The following DGKI variants were observed in gnomAD, a reference collection of about 807,000 sequenced individuals.
The protein encoded by DGKI is DAG kinase iota.
In DGKI, 55 loss-of-function variants were observed where a neutral mutation model predicts 147.5. The observed-to-expected ratio is 0.37, with a 90% confidence interval of 0.30 to 0.47. The LOEUF is 0.47. Ranked by LOEUF, DGKI falls within the 20% of genes least tolerant of loss-of-function variation. The probability of loss-of-function intolerance (pLI) is 1.00; values close to 1 mark genes in which losing one functional copy is unlikely to be tolerated. For synonymous variants in DGKI, 469 were observed against 477.1 expected, an observed-to-expected ratio of 0.98 and a Z score of 0.22; for missense variants, 1,007 against 1,323.8, an observed-to-expected ratio of 0.76 and a Z score of 3.71.
intron 7 of DGKI, 116 bp from the exon 8 acceptor site, chr7:137,620,056 C>G (rs1487785087): frequency 2.7e-6 from 2 of 728,606 alleles, no homozygotes; most frequent in African/African-American, 1.8e-5. Flanking sequence ...CACACACACT[C>G]ATTACATGCA....
intron 1 of DGKI, among the ~76,000 whole-genome samples, chr7:137,742,767 G>A (rs1278620988): frequency 2.0e-5 from 3 of 152,194 alleles, no homozygotes; most frequent in Non-Finnish European, 4.4e-5. Context: ...TTGTGTGAGT[G>A]GGTTAACAGG....
chr7:137,507,328 A>G (rs1306400040), intron 21 of DGKI, among the ~76,000 whole-genome samples: 1 of 152,190 alleles, frequency 6.6e-6, no homozygotes, highest in African/African-American at 2.4e-5. Context: ...AAAGTAAATT[A>G]TGTAGTTTTC....
intron 1 of DGKI, chr7:137,722,145 A>G: frequency 6.3e-7 from 1 of 1,599,330 alleles, no homozygotes; most frequent in South Asian, 1.1e-5. Flanking sequence ...TTGTCAGAGG[A>G]ATTGGCAGGT....
intron 8 of DGKI, among the ~76,000 whole-genome samples, chr7:137,617,336 G>A (rs977638806): frequency 6.6e-6 from 1 of 151,902 alleles, no homozygotes; most frequent in African/African-American, 2.4e-5. Flanking sequence ...AGGGGGTATT[G>A]TTCTATACTA....
intron 21 of DGKI, among the ~76,000 whole-genome samples, chr7:137,505,783 T>A (rs1434164679): frequency 7.0e-6 from 1 of 143,042 alleles, no homozygotes; most frequent in African/African-American, 2.6e-5. Context: ...AGAGAGCCAA[T>A]TAAAAAACTG....
chr7:137,620,302 G>T (rs1173981449), intron 7 of DGKI, among the ~76,000 whole-genome samples: 1 of 152,102 alleles, frequency 6.6e-6, no homozygotes. Flanking sequence ...GTCTTGGAGG[G>T]TTCTATTAAT....
intron 1 of DGKI, among the ~76,000 whole-genome samples, chr7:137,840,767 A>G (rs1798522051): frequency 6.6e-6 from 1 of 152,252 alleles, no homozygotes; most frequent in Non-Finnish European, 1.5e-5. Flanking sequence ...AAGAATGAAT[A>G]ACAGTAGTAA....
At chr7:137,694,626 T>G (rs914235892) in intron 1 of DGKI, among the ~76,000 whole-genome samples, 1 of 152,228 alleles carries the variant, frequency 6.6e-6, no homozygotes, top group Non-Finnish European at 1.5e-5. Flanking sequence ...CATCCTGTTG[T>G]TCTAGAAAAG....
chr7:137,670,141 T>C (rs1396155382), intron 3 of DGKI, among the ~76,000 whole-genome samples: 1 of 152,234 alleles, frequency 6.6e-6, no homozygotes. Flanking sequence ...TAATGCCGTA[T>C]ATTGTTTTCT....
intron 1 of DGKI, among the ~76,000 whole-genome samples, chr7:137,762,864 G>A (rs1296289621): frequency 6.6e-6 from 1 of 152,162 alleles, no homozygotes; most frequent in Non-Finnish European, 1.5e-5. Flanking sequence ...GCCTGTTCCA[G>A]ACAAATAGGG....
chr7:137,433,795 T>A (rs1031582815), intron 28 of DGKI, among the ~76,000 whole-genome samples: 1 of 152,230 alleles, frequency 6.6e-6, no homozygotes, highest in African/African-American at 2.4e-5. Context: ...TCACCTTGTC[T>A]GATGGCCCCT....
intron 3 of DGKI, among the ~76,000 whole-genome samples, chr7:137,668,572 A>G (rs1161298210): frequency 6.6e-6 from 1 of 152,246 alleles, no homozygotes; most frequent in Non-Finnish European, 1.5e-5. Flanking sequence ...CAGTTCAATC[A>G]CTTATCCTCA....
chr7:137,767,500 G>A (rs1459932465), intron 1 of DGKI, among the ~76,000 whole-genome samples: 1 of 146,882 alleles, frequency 6.8e-6, no homozygotes, highest in Non-Finnish European at 1.5e-5. Context: ...GAGAAGAGAA[G>A]AGAAGAGAAG....
intron 23 of DGKI, among the ~76,000 whole-genome samples, chr7:137,472,130 C>A (rs567528143): frequency 9.2e-6 from 1 of 109,086 alleles, no homozygotes; most frequent in African/African-American, 4.0e-5. Context: ...AATATATATA[C>A]ACATATATAT....
intron 6 of DGKI, among the ~76,000 whole-genome samples, chr7:137,628,137 A>G (rs1821006866): frequency 6.6e-6 from 1 of 152,246 alleles, no homozygotes; most frequent in Admixed American, 6.5e-5. Flanking sequence ...GCTCTACTCA[A>G]TGATATAGGG....
intron 1 of DGKI, among the ~76,000 whole-genome samples, chr7:137,806,152 T>C (rs1300262077): frequency 2.0e-5 from 3 of 152,218 alleles, no homozygotes; most frequent in African/African-American, 7.2e-5. Context: ...ACCTGATGGC[T>C]TTAGAAGGCA....
chr7:137,635,694 C>T (rs1375717373), intron 6 of DGKI, among the ~76,000 whole-genome samples: 1 of 152,202 alleles, frequency 6.6e-6, no homozygotes, highest in Non-Finnish European at 1.5e-5. Context: ...ACACTGGCTT[C>T]AGCTTTGAGA....
chr7:137,416,839 T>C (rs1812380424), intron 28 of DGKI, among the ~76,000 whole-genome samples: 1 of 152,202 alleles, frequency 6.6e-6, no homozygotes, highest in South Asian at 2.1e-4. Context: ...TAGAAGATCA[T>C]ATGACAGAAT....
intron 28 of DGKI, among the ~76,000 whole-genome samples, chr7:137,439,063 G>GACAT (rs1813392606): frequency 1.3e-5 from 2 of 152,284 alleles, no homozygotes; most frequent in South Asian, 4.1e-4. Flanking sequence ...GGAAGCAAAT[G>GACAT]ACATGAAGCT....
Sources: allele counts gnomAD v4.1 joint callset (sites outside exome capture counted in the v4.1 genomes callset), GRCh38; gene constraint gnomAD v4.1.1; transcripts MANE v1.5; gene names NCBI Gene and HGNC (gene_info 2026-07-23, HGNC 2026-07-21).